Variants in FHIT observed in about 807,000 individuals in gnomAD.
The protein encoded by FHIT is bis(5'-adenosyl)-triphosphatase.
FHIT carries 19 observed loss-of-function variants against 17.9 expected under a neutral mutation model. The ratio of observed to expected loss-of-function variants is 1.06; its 90% CI spans 0.74 to 1.56. The LOEUF is 1.56. Among genes scored for constraint, FHIT ranks in the 40% most tolerant of loss-of-function variants. The probability of loss-of-function intolerance (pLI) is 0.00; values close to 1 mark genes in which losing one functional copy is unlikely to be tolerated. For synonymous variants in FHIT, 81 were observed against 69.7 expected, an observed-to-expected ratio of 1.16 and a Z score of -0.81; for missense variants, 248 against 189.2, an observed-to-expected ratio of 1.31 and a Z score of -1.82.
At chr3:60,733,018 C>T (rs2042065268) in intron 4 of FHIT, among the ~76,000 whole-genome samples, 1 of 152,170 alleles carries the variant, frequency 6.6e-6, no homozygotes, top group African/African-American at 2.4e-5. Flanking sequence ...TTTCCCCATC[C>T]TATCTCACCC....
chr3:60,609,547 G>A (rs985475514), intron 4 of FHIT, among the ~76,000 whole-genome samples: 2 of 152,008 alleles, frequency 1.3e-5, no homozygotes, highest in African/African-American at 2.4e-5. Flanking sequence ...GACTGGTCTT[G>A]AACTCCTGAC....
At chr3:59,894,010 A>C (rs1703961145) in intron 8 of FHIT, among the ~76,000 whole-genome samples, 1 of 152,152 alleles carries the variant, frequency 6.6e-6, no homozygotes, top group African/African-American at 2.4e-5. Flanking sequence ...CATGCCTGTA[A>C]AATACCAGCA....
intron 5 of FHIT, among the ~76,000 whole-genome samples, chr3:60,421,015 A>C (rs1702444434): frequency 6.8e-6 from 1 of 147,838 alleles, no homozygotes; most frequent in Admixed American, 6.9e-5. Flanking sequence ...TAAAGAACTA[A>C]GATTTCTCCC....
chr3:61,218,751 A>C (rs1050793328), intron 1 of FHIT, among the ~76,000 whole-genome samples: 1 of 152,090 alleles, frequency 6.6e-6, no homozygotes, highest in Admixed American at 6.6e-5. Context: ...AACCCATGCT[A>C]TTGTCTTAAT....
intron 4 of FHIT, among the ~76,000 whole-genome samples, chr3:60,547,293 G>C (rs1441736735): frequency 6.6e-6 from 1 of 152,152 alleles, no homozygotes; most frequent in Non-Finnish European, 1.5e-5. Flanking sequence ...CTGTAAGCCA[G>C]AGAAGCAAAT....
chr3:60,770,161 A>C (rs544523031), intron 4 of FHIT, among the ~76,000 whole-genome samples: 2 of 152,328 alleles, frequency 1.3e-5, no homozygotes, highest in Non-Finnish European at 2.9e-5. Flanking sequence ...CCAAATGAGC[A>C]GAAGCATTGA....
At chr3:61,039,506 T>C (rs929251779) in intron 3 of FHIT, among the ~76,000 whole-genome samples, 3 of 152,120 alleles carry the variant, frequency 2.0e-5, no homozygotes, top group Non-Finnish European at 4.4e-5. Context: ...ATATACACCA[T>C]AGAATACTAC....
chr3:60,435,793 G>A (rs553444172), intron 5 of FHIT, among the ~76,000 whole-genome samples: 51 of 151,956 alleles, frequency 3.4e-4, no homozygotes, highest in Non-Finnish European at 7.4e-5. Context: ...TTTCCTGATC[G>A]TCTCCCTCCT....
intron 5 of FHIT, among the ~76,000 whole-genome samples, chr3:60,055,484 T>C (rs1301481324): frequency 1.3e-5 from 2 of 151,882 alleles, no homozygotes; most frequent in African/African-American, 2.4e-5. Flanking sequence ...GATTTATTTC[T>C]GAGGCTCTCA....
intron 4 of FHIT, among the ~76,000 whole-genome samples, chr3:60,761,201 T>C (rs1699638969): frequency 6.6e-6 from 1 of 152,110 alleles, no homozygotes; most frequent in Non-Finnish European, 1.5e-5. Flanking sequence ...TTGCAAAAAT[T>C]CCAAAAGAGC....
At chr3:61,207,053 C>T (rs1291577557) in intron 1 of FHIT, among the ~76,000 whole-genome samples, 1 of 152,054 alleles carries the variant, frequency 6.6e-6, no homozygotes, top group South Asian at 2.1e-4. Context: ...TGTCAAAGGC[C>T]TTTTCTGCAT....
intron 3 of FHIT, among the ~76,000 whole-genome samples, chr3:60,945,146 T>G (rs781960963): frequency 3.9e-5 from 6 of 151,904 alleles, no homozygotes; most frequent in Non-Finnish European, 7.4e-5. Context: ...AGATGACATT[T>G]GAGCAGACAC....
chr3:60,869,490 T>C (rs902481947), intron 3 of FHIT, among the ~76,000 whole-genome samples: 1 of 152,130 alleles, frequency 6.6e-6, no homozygotes, highest in Admixed American at 6.6e-5. Context: ...GATCTCAGGT[T>C]TACCTGTCAT....
Position 60,536,905 on chromosome 3 carries a change from C to G in FHIT, c.58G>C (p.Glu20Gln). Reference protein sequence around the residue: ...IKPSVVFLKTELSFALVNRKP... With the variant: ...IKPSVVFLKTQLSFALVNRKP... ...CTATTCACAAGAGCGAAGGACAGTT[C>G]TGTTTTGAGAAACACTACAGAGGGC... Residue 20 changes from glutamate (E) to glutamine (Q), a missense_variant, in exon 5 of 10, where the codon GAA (glutamate) becomes CAA (glutamine). Physicochemically the swap from Glu to Gln is conservative, Grantham distance 29 (BLOSUM62 2). Coordinates refer to ENST00000492590, the MANE Select transcript of FHIT (RefSeq NM_002012.4). 1 of 1,613,266 alleles carries G rather than the reference C, an allele frequency of 6.2e-7. No individual in the cohort carries two copies. The highest frequency in any genetic ancestry group is 1.1e-5 in the South Asian group (1 of 90,972).
In FHIT at chr3:59,915,234, T is replaced by C. The variant is rs148665594; in HGVS notation, c.348+7112A>G. On this transcript the variant is annotated intron_variant, in intron 8 of 9. Coordinates refer to ENST00000492590, the MANE Select transcript of FHIT (RefSeq NM_002012.4). ...GCGAGAATTCACTGTGGAGGGCAGA[T>C]AGGACTCTGCACAAGAAAGCCTGAT... Among the ~76,000 whole-genome samples the C allele has an allele frequency of 3.1e-3, 466 of 152,296 alleles. 9 individuals carry two copies. Among genetic ancestry groups the C allele is most frequent in the Non-Finnish European group, 7.5e-4 (51 of 68,028 alleles).
intron 4 of FHIT, among the ~76,000 whole-genome samples, chr3:60,813,390 A>G (rs534038011): frequency 6.6e-6 from 1 of 152,216 alleles, no homozygotes; most frequent in Admixed American, 6.5e-5. Context: ...AAAATATTTA[A>G]CCATTAGTAT....
chr3:60,859,818 T>C (rs1703561619), intron 3 of FHIT, among the ~76,000 whole-genome samples: 1 of 126,016 alleles, frequency 7.9e-6, no homozygotes. Context: ...CTGAGGTGGG[T>C]GGATCACTTG....
At chr3:60,126,724 A>G (rs370329405) in intron 5 of FHIT, among the ~76,000 whole-genome samples, 12 of 152,302 alleles carry the variant, frequency 7.9e-5, no homozygotes, top group African/African-American at 2.4e-4. Flanking sequence ...ATTTACCTCA[A>G]CAATGTCCCT....
At chr3:60,319,618 T>C (rs1316138409) in intron 5 of FHIT, among the ~76,000 whole-genome samples, 1 of 152,090 alleles carries the variant, frequency 6.6e-6, no homozygotes, top group Non-Finnish European at 1.5e-5. Flanking sequence ...ATACAGAAAT[T>C]TGTCTCATGA....
Sources: allele counts gnomAD v4.1 joint callset (sites outside exome capture counted in the v4.1 genomes callset), GRCh38; gene constraint gnomAD v4.1.1; transcripts MANE v1.5; gene names NCBI Gene and HGNC (gene_info 2026-07-23, HGNC 2026-07-21).